The following MYO9B variants were observed in gnomAD, a reference collection of about 807,000 sequenced individuals.
MYO9B encodes unconventional myosin-IXb.
MYO9B carries 71 observed loss-of-function variants against 229.5 expected under a neutral mutation model. The observed-to-expected ratio is 0.31, with a 90% CI of 0.26 to 0.38. MYO9B has a LOEUF of 0.38. Among genes scored for constraint, MYO9B ranks in the 10% least tolerant of loss-of-function variants. MYO9B has a pLI of 1.00. For missense variants in MYO9B, 2,255 were observed against 2,920.5 expected (o/e 0.77, Z 5.25); for synonymous variants, 1,185 against 1,235.8 (o/e 0.96, Z 0.86).
At chr19:17,209,522 C>CCTGGACCT in intron 35 of MYO9B, 64 bp from the exon 36 acceptor site, 2 of 1,526,200 alleles carry the variant, frequency 1.3e-6, no homozygotes, top group Non-Finnish European at 1.8e-6. Context: ...CTAGCATCTC[C>CCTGGACCT]CTGGACCTCA....
chr19:17,202,785 G>A lies in MYO9B; in HGVS notation c.4837-57G>A, dbSNP rs2073121663. On this transcript the variant is annotated intron_variant, in intron 28 of 39. Coordinates refer to ENST00000682292, the MANE Select transcript of MYO9B (RefSeq NM_004145.4). ...GCCTGAGTTATGGGGTGCCAGGGGTGGGTTGGGGCTCTTCCCAGGGGGGCC... is the reference window on the plus strand; with the variant it reads ...GCCTGAGTTATGGGGTGCCAGGGGTAGGTTGGGGCTCTTCCCAGGGGGGCC... 14 of 1,525,920 alleles carry A rather than the reference G, an allele frequency of 9.2e-6. No individual in the cohort carries two copies. In the South Asian group the frequency reaches 1.7e-4, roughly 18 times the overall value. The allele number at this position is 1,525,920 out of a possible 1,614,324, so 94.5% of individuals were successfully genotyped here.
intron 36 of MYO9B, 101 bp downstream of exon 36, chr19:17,209,810 G>C: frequency 6.9e-7 from 1 of 1,456,420 alleles, no homozygotes; most frequent in South Asian, 1.3e-5. Context: ...AGGCTGGTGA[G>C]TGGGGTCTTG....
At chr19:17,171,806 G>T (rs1328672646) in intron 11 of MYO9B, among the ~76,000 whole-genome samples, 1 of 152,030 alleles carries the variant, frequency 6.6e-6, no homozygotes, top group African/African-American at 2.4e-5. Context: ...GAAAAACATT[G>T]TACTATAGTC....
intron 2 of MYO9B, among the ~76,000 whole-genome samples, chr19:17,143,914 C>A (rs1444281949): frequency 1.3e-5 from 2 of 152,056 alleles, no homozygotes; most frequent in Non-Finnish European, 2.9e-5. Flanking sequence ...GGGCAAGACT[C>A]TGTCTCAAAA....
intron 26 of MYO9B, among the ~76,000 whole-genome samples, chr19:17,201,538 C>T (rs965130456): frequency 5.3e-5 from 8 of 152,202 alleles, no homozygotes; most frequent in Middle Eastern, 3.4e-3. Flanking sequence ...TGTGGGGCAG[C>T]AGGAAGGGCC....
intron 14 of MYO9B, chr19:17,180,569 C>T (rs1005687933): frequency 7.6e-5 from 12 of 158,232 alleles, no homozygotes; most frequent in African/African-American, 1.9e-4. Flanking sequence ...AGGCTGGTCT[C>T]GAACTCCTGA....
At chr19:17,076,504 G>A (rs2057485533) in intron 1 of MYO9B, among the ~76,000 whole-genome samples, 1 of 152,066 alleles carries the variant, frequency 6.6e-6, no homozygotes, top group Non-Finnish European at 1.5e-5. Flanking sequence ...GGGAGGGCCC[G>A]GAGAGGAGGG....
chr19:17,206,077 C>T lies in MYO9B; in HGVS notation c.5182C>T (p.Leu1728=). 1 of 1,609,830 alleles carries T rather than the reference C, an allele frequency of 6.2e-7. No individual in the cohort carries two copies. The highest frequency in any genetic ancestry group is 8.5e-7 in the Non-Finnish European group (1 of 1,177,238). Residue 1728 remains leucine, a synonymous_variant, in exon 32 of 40, where the codon CTG becomes TTG. Coordinates refer to ENST00000682292, the MANE Select transcript of MYO9B (RefSeq NM_004145.4). The part of the protein sequence containing the change: ...KLLEHVEMHG[L]YTEGLYRKSG... ...CCTGGAACACGTGGAGATGCACGGC[C>T]TGTACACCGAGGGCCTCTACCGCAA...
At chr19:17,192,366 G>T (rs746310364) in intron 20 of MYO9B, among the ~76,000 whole-genome samples, 3 of 151,698 alleles carry the variant, frequency 2.0e-5, no homozygotes, top group Non-Finnish European at 4.4e-5. Context: ...AGGCCAAGGC[G>T]GGCAGATCAC....
chr19:17,113,625 A>G (rs1254214858), intron 2 of MYO9B, among the ~76,000 whole-genome samples: 1 of 152,148 alleles, frequency 6.6e-6, no homozygotes, highest in East Asian at 1.9e-4. Context: ...AAGCTACTGA[A>G]GGTCCCTGAG....
chr19:17,205,077 G>A (rs2073144759), intron 30 of MYO9B, among the ~76,000 whole-genome samples, 186 bp from the exon 31 acceptor site: 1 of 152,066 alleles, frequency 6.6e-6, no homozygotes, highest in Non-Finnish European at 1.5e-5. Flanking sequence ...CTTGAACCCG[G>A]GAGGCGGAGG....
At chr19:17,171,811 A>G (rs1396116013) in intron 11 of MYO9B, among the ~76,000 whole-genome samples, 4 of 152,128 alleles carry the variant, frequency 2.6e-5, no homozygotes, top group East Asian at 1.9e-4. Context: ...ACATTGTACT[A>G]TAGTCCCAGC....
Position 17,166,367 on chromosome 19 carries a change from G to T in MYO9B, c.1672-1576G>T, listed in dbSNP as rs1387817724. On this transcript the variant is annotated intron_variant, in intron 10 of 39. Transcript: ENST00000682292. ...CCTTGTGTGATATTTAAAGTGCCATGCTGTGATCAGTATTTAAGAATGTGC... is the reference window on the plus strand; with the variant it reads ...CCTTGTGTGATATTTAAAGTGCCATTCTGTGATCAGTATTTAAGAATGTGC... Among the ~76,000 whole-genome samples, 3 of 151,760 alleles carry T rather than the reference G, an allele frequency of 2.0e-5. No homozygotes were observed. The East Asian group carries it at 5.8e-4, about 29-fold the overall frequency.
At chr19:17,088,408 T>C (rs1252284148) in intron 1 of MYO9B, among the ~76,000 whole-genome samples, 4 of 152,246 alleles carry the variant, frequency 2.6e-5, no homozygotes, top group Admixed American at 2.6e-4. Context: ...AGCATGAGTT[T>C]TGGGGAGCAC....
intron 14 of MYO9B, among the ~76,000 whole-genome samples, chr19:17,177,229 C>T (rs1260736560): frequency 6.6e-6 from 1 of 151,560 alleles, no homozygotes; most frequent in East Asian, 1.9e-4. Flanking sequence ...TCACCTTTTT[C>T]ACCCAAAATG....
At chr19:17,156,005 GCAAGACT>G (rs947181949) in intron 6 of MYO9B, among the ~76,000 whole-genome samples, 9 of 144,848 alleles carry the variant, frequency 6.2e-5, no homozygotes, top group Non-Finnish European at 3.0e-5. Context: ...GGGTGACAGA[GCAAGACT>G]CTGTCTCAAA....
At chr19:17,155,128 G>C (rs987185022) in intron 6 of MYO9B, among the ~76,000 whole-genome samples, 1 of 152,050 alleles carries the variant, frequency 6.6e-6, no homozygotes, top group Non-Finnish European at 1.5e-5. Flanking sequence ...GTAAGATCCT[G>C]TCTCTAAAAA....
chr19:17,155,950 G>A lies in MYO9B; in HGVS notation c.1200-959G>A, dbSNP rs147202638. On this transcript the variant is annotated intron_variant, in intron 6 of 39. Coordinates refer to ENST00000682292, the MANE Select transcript of MYO9B (RefSeq NM_004145.4). ...CACGAGAATCACTTAAACACAGAAGGCAGAGGCTGCCGTGAGCCGAGATTG... is the reference window on the plus strand; with the variant it reads ...CACGAGAATCACTTAAACACAGAAGACAGAGGCTGCCGTGAGCCGAGATTG... Among the ~76,000 whole-genome samples the A allele has an allele frequency of 4.9e-3, 739 of 151,680 alleles. 2 individuals carry two copies. The highest frequency in any genetic ancestry group is 0.017 in the African/African-American group (715 of 41,294).
chr19:17,142,186 A>G (rs533488522), intron 2 of MYO9B, among the ~76,000 whole-genome samples: 2 of 151,566 alleles, frequency 1.3e-5, no homozygotes, highest in South Asian at 2.1e-4. Flanking sequence ...AAAAGAAAGA[A>G]AAAAGAAGCG....
Sources: allele counts gnomAD v4.1 joint callset (sites outside exome capture counted in the v4.1 genomes callset), GRCh38; gene constraint gnomAD v4.1.1; transcripts MANE v1.5; gene names NCBI Gene and HGNC (gene_info 2026-07-23, HGNC 2026-07-21).